The following C10orf90 variants were observed in gnomAD, a reference collection of about 807,000 sequenced individuals.
C10orf90 encodes the protein (E2-independent) E3 ubiquitin-conjugating enzyme FATS.
C10orf90 carries 56 observed loss-of-function variants against 62.5 expected under a neutral mutation model. The observed-to-expected ratio is 0.90, with a 90% confidence interval of 0.72 to 1.12. The LOEUF (loss-of-function observed/expected upper bound fraction) is 1.12, where lower values mean the gene tolerates loss of function less well. C10orf90 is among the 50% of genes most tolerant of loss of function. The probability of loss-of-function intolerance (pLI) is 0.00; values close to 1 mark genes in which losing one functional copy is unlikely to be tolerated. For missense variants in C10orf90, 970 were observed against 880.4 expected (o/e 1.10, Z -1.29); for synonymous variants, 386 against 340.4 (o/e 1.13, Z -1.47).
Position 126,504,983 on chromosome 10 carries a change from G to A in C10orf90, c.508C>T (p.Pro170Ser). 2 of 1,614,258 alleles carry A rather than the reference G, an allele frequency of 1.2e-6. No individual in the cohort carries two copies. Among genetic ancestry groups the A allele is most frequent in the African/African-American group, 1.3e-5 (1 of 75,074 alleles). ...SRENRASLPL[P>S]CAIAQSRAHH... ...GCACGAGACTGAGCAATGGCACACG[G>A]TAGGGGCAAGGAGGCCCTGTTTTCT... Residue 170 changes from proline to serine, a missense_variant, in exon 4 of 10, where the codon CCG becomes TCG. Pro to Ser is a moderately conservative substitution (Grantham distance 74). Transcript: ENST00000488181. The surrounding 1 kb of genome is among the most constrained non-coding windows in gnomAD (Gnocchi z 4.1).
chr10:126,644,807 A>G (rs1846134186), intron 2 of C10orf90, among the ~76,000 whole-genome samples: 2 of 152,164 alleles, frequency 1.3e-5, no homozygotes, highest in South Asian at 2.1e-4. Flanking sequence ...TCTGAGGAAA[A>G]CATGGCACTC....
intron 4 of C10orf90, among the ~76,000 whole-genome samples, chr10:126,465,389 C>A (rs563827655): frequency 1.3e-5 from 2 of 151,288 alleles, no homozygotes; most frequent in South Asian, 4.2e-4. Flanking sequence ...CAGTTTATTT[C>A]TATAACAAAT....
At chr10:126,472,916 G>A (rs991169130) in intron 4 of C10orf90, among the ~76,000 whole-genome samples, 8 of 152,106 alleles carry the variant, frequency 5.3e-5, no homozygotes, top group African/African-American at 1.9e-4. Context: ...CTCATCTGAG[G>A]GTACTGAGCC....
chr10:126,609,375 C>T (rs1845383111), intron 2 of C10orf90, among the ~76,000 whole-genome samples: 1 of 152,136 alleles, frequency 6.6e-6, no homozygotes, highest in Admixed American at 6.5e-5. Flanking sequence ...TGCACTCCAG[C>T]CTGGGCAAAA....
chr10:126,523,732 C>T (rs1863849038), intron 2 of C10orf90, among the ~76,000 whole-genome samples: 1 of 152,140 alleles, frequency 6.6e-6, no homozygotes, highest in Non-Finnish European at 1.5e-5. Flanking sequence ...CTAACTCCCC[C>T]TTCCCACCTT....
At chr10:126,603,494 G>C (rs2134044274) in intron 2 of C10orf90, among the ~76,000 whole-genome samples, 1 of 152,200 alleles carries the variant, frequency 6.6e-6, no homozygotes, top group Admixed American at 6.5e-5. Flanking sequence ...TGGGGACACA[G>C]CCAAACCATA....
intron 2 of C10orf90, among the ~76,000 whole-genome samples, chr10:126,565,330 T>A (rs1844344292): frequency 2.3e-5 from 1 of 44,324 alleles, no homozygotes; most frequent in African/African-American, 1.2e-4. Context: ...ATTATATATT[T>A]ATATTATATA....
At position 126,464,882 on chromosome 10, in the gene C10orf90, G is replaced by T. The variant is rs761130977; in HGVS notation, c.1639C>A (p.Pro547Thr). Residue 547 changes from proline to threonine, a missense_variant, in exon 5 of 10, where the codon CCC (proline) becomes ACC (threonine). Transcript: ENST00000488181. ...VEQKPTRHFL[P>T]IGDSSPSDDC... is the part of the protein sequence containing the mutation. ...TCGCTTGGAGAGCTATCCCCAATGGGAAGGAAATGTCTAGTGGGCTTCTGT... is the reference window on the plus strand; with the variant it reads ...TCGCTTGGAGAGCTATCCCCAATGGTAAGGAAATGTCTAGTGGGCTTCTGT... 6 of 1,614,168 alleles carry T rather than the reference G, an allele frequency of 3.7e-6. No homozygotes were observed. In the South Asian group the frequency reaches 5.5e-5, roughly 15 times the overall value.
intron 2 of C10orf90, among the ~76,000 whole-genome samples, chr10:126,618,212 C>G (rs150850014): frequency 6.6e-6 from 1 of 152,330 alleles, no homozygotes; most frequent in African/African-American, 2.4e-5. Flanking sequence ...AAGAGAGACA[C>G]TACCATCAAC....
intron 2 of C10orf90, among the ~76,000 whole-genome samples, chr10:126,557,015 A>T (rs987613600): frequency 2.0e-4 from 31 of 151,362 alleles, no homozygotes; most frequent in African/African-American, 7.5e-4. Context: ...CAATTTAAAA[A>T]AAAAAAAAAA....
intron 2 of C10orf90, among the ~76,000 whole-genome samples, chr10:126,584,572 G>T (rs901349039): frequency 6.6e-6 from 1 of 152,030 alleles, no homozygotes; most frequent in East Asian, 1.9e-4. Context: ...TGGAAATACC[G>T]AATGAAGCCA....
intron 7 of C10orf90, among the ~76,000 whole-genome samples, chr10:126,433,910 A>G (rs983160367): frequency 1.3e-5 from 2 of 152,316 alleles, no homozygotes; most frequent in Admixed American, 1.3e-4. Flanking sequence ...GGAAGAGACT[A>G]CAGTTGTGTT....
chr10:126,475,667 G>A (rs1256713170), intron 4 of C10orf90, among the ~76,000 whole-genome samples: 3 of 152,152 alleles, frequency 2.0e-5, no homozygotes, highest in African/African-American at 7.2e-5. Flanking sequence ...GAGATCATTA[G>A]GTGCTGGAAG....
At chr10:126,613,637 T>A (rs1845484112) in intron 2 of C10orf90, among the ~76,000 whole-genome samples, 1 of 152,192 alleles carries the variant, frequency 6.6e-6, no homozygotes, top group African/African-American at 2.4e-5. Flanking sequence ...AGCCAAGTCC[T>A]CCCCAGAGCC....
At chr10:126,531,671 C>T (rs1864099434) in intron 2 of C10orf90, among the ~76,000 whole-genome samples, 2 of 151,914 alleles carry the variant, frequency 1.3e-5, no homozygotes, top group African/African-American at 4.8e-5. Context: ...AACATTAAAA[C>T]TATAAGGCTT....
chr10:126,459,104 C>T lies in C10orf90; in HGVS notation c.2124G>A (p.Gln708=). ...TGCGGATGGGAAGGAGGCTCTGCTT[C>T]TGCCTCAGGTCCTCCTTCCGCTGGG... ...RKAQRKEDLR[Q]KQSLLPIRTS... Residue 708 remains glutamine (Q), a synonymous_variant, in exon 7 of 10, where the codon CAG becomes CAA. Coordinates refer to ENST00000488181, the MANE Select transcript of C10orf90 (RefSeq NM_001350921.2). 6.2e-7 allele frequency: 1 copy of T among 1,614,150 alleles called. No individual in the cohort carries two copies. The highest frequency in any genetic ancestry group is 8.5e-7 in the Non-Finnish European group (1 of 1,180,044).
chr10:126,474,143 T>G (rs185275610), intron 4 of C10orf90, among the ~76,000 whole-genome samples: 1 of 152,162 alleles, frequency 6.6e-6, no homozygotes, highest in Non-Finnish European at 1.5e-5. Flanking sequence ...GTGGTTCACA[T>G]GCATGTCCAC....
intron 2 of C10orf90, among the ~76,000 whole-genome samples, chr10:126,624,116 G>A (rs1408861762): frequency 1.3e-5 from 2 of 152,106 alleles, no homozygotes; most frequent in Non-Finnish European, 2.9e-5. Flanking sequence ...GGGAGGCTGA[G>A]GCAGGCAGAT....
At chr10:126,515,512 A>C (rs1466128085) in intron 2 of C10orf90, among the ~76,000 whole-genome samples, 1 of 152,180 alleles carries the variant, frequency 6.6e-6, no homozygotes, top group Non-Finnish European at 1.5e-5. Flanking sequence ...CAGCACAGTC[A>C]CACACTATAC....
Sources: gnomAD v4.1 joint callset for allele counts (sites outside exome capture counted in the v4.1 genomes callset) on GRCh38, gnomAD v4.1.1 for gene constraint, Gnocchi (gnomAD v3.1) non-coding constraint, MANE v1.5 for transcripts, NCBI Gene and HGNC (gene_info 2026-07-23, HGNC 2026-07-21) for gene names.